The following LRRTM4 variants were observed in gnomAD, a reference collection of about 807,000 sequenced individuals.
LRRTM4 encodes leucine-rich repeat transmembrane neuronal protein 4.
In LRRTM4, 25 loss-of-function variants were observed where a neutral mutation model predicts 47.6. That is an observed-to-expected ratio of 0.53 (90% CI 0.38 to 0.73). LRRTM4 has a LOEUF of 0.73. Ranked by LOEUF, LRRTM4 falls within the 30% of genes least tolerant of loss-of-function variation. The pLI, the probability that LRRTM4 is intolerant of heterozygous loss-of-function variation, is 0.00. For synonymous variants in LRRTM4, 311 were observed against 269.5 expected (o/e 1.15, Z -1.51); for missense variants, 638 against 713.4 (o/e 0.89, Z 1.20).
At chr2:77,223,449 T>A (rs1406157195) in intron 3 of LRRTM4, among the ~76,000 whole-genome samples, 1 of 152,140 alleles carries the variant, frequency 6.6e-6, no homozygotes, top group African/African-American at 2.4e-5. Context: ...TGATTGTATA[T>A]CTAGAAAACC....
chr2:77,373,648 A>G (rs1672729753), intron 3 of LRRTM4, among the ~76,000 whole-genome samples: 1 of 151,820 alleles, frequency 6.6e-6, no homozygotes, highest in African/African-American at 2.4e-5. Flanking sequence ...TGACAAAGGC[A>G]CCATATGCTA....
At chr2:77,462,426 A>C (rs1245309462) in intron 3 of LRRTM4, among the ~76,000 whole-genome samples, 1 of 152,108 alleles carries the variant, frequency 6.6e-6, no homozygotes, top group Non-Finnish European at 1.5e-5. Context: ...GAACAAGCTC[A>C]GTAAAAAATA....
At chr2:77,480,819 TGTGG>T (rs1558763472) in intron 3 of LRRTM4, among the ~76,000 whole-genome samples, 1 of 101,680 alleles carries the variant, frequency 9.8e-6, no homozygotes, top group East Asian at 6.5e-4. Context: ...TGTGTGTGTG[TGTGG>T]AGAGAGAGAG....
At chr2:77,170,371 G>T (rs556099966) in intron 3 of LRRTM4, among the ~76,000 whole-genome samples, 30 of 152,260 alleles carry the variant, frequency 2.0e-4, no homozygotes, top group African/African-American at 7.0e-4. Flanking sequence ...AGAAAATGCA[G>T]ATCTAAATCC....
chr2:77,502,099 T>A (rs1359816607), intron 3 of LRRTM4, among the ~76,000 whole-genome samples: 1 of 151,422 alleles, frequency 6.6e-6, no homozygotes, highest in Non-Finnish European at 1.5e-5. Context: ...TTGGAACCCA[T>A]ATAAAATAAA....
chr2:77,020,490 A>G (rs570993884), intron 3 of LRRTM4, among the ~76,000 whole-genome samples: 2 of 152,290 alleles, frequency 1.3e-5, no homozygotes, highest in South Asian at 4.1e-4. Context: ...TAAGAATCGT[A>G]CATGTGTTGT....
chr2:77,250,860 T>C (rs1001682935), intron 3 of LRRTM4, among the ~76,000 whole-genome samples: 1 of 152,006 alleles, frequency 6.6e-6, no homozygotes, highest in Non-Finnish European at 1.5e-5. Flanking sequence ...TCCCACCACT[T>C]TGGGAGGCTG....
chr2:76,920,405 G>C (rs1262495189), intron 3 of LRRTM4, among the ~76,000 whole-genome samples: 1 of 152,014 alleles, frequency 6.6e-6, no homozygotes, highest in Admixed American at 6.6e-5. Context: ...TAATCTCCAG[G>C]CTTGAATGTT....
At chr2:77,164,289 A>G (rs1377114305) in intron 3 of LRRTM4, among the ~76,000 whole-genome samples, 1 of 152,246 alleles carries the variant, frequency 6.6e-6, no homozygotes, top group African/African-American at 2.4e-5. Context: ...TACCCAATAC[A>G]GGAGCACCCA....
chr2:76,830,522 G>A (rs963368625), intron 3 of LRRTM4, among the ~76,000 whole-genome samples: 24 of 141,434 alleles, frequency 1.7e-4, no homozygotes, highest in Admixed American at 2.8e-4. Context: ...GTGCGTGTGT[G>A]TGTGTGTGTG....
At chr2:77,384,307 G>A (rs986338094) in intron 3 of LRRTM4, among the ~76,000 whole-genome samples, 6 of 151,438 alleles carry the variant, frequency 4.0e-5, no homozygotes, top group Non-Finnish European at 5.9e-5. Context: ...AAAAAATAAG[G>A]TTTCAATTTG....
In LRRTM4 at chr2:77,417,735, G is replaced by A. The variant is rs549207257; in HGVS notation, c.1551+100583C>T. Among the ~76,000 whole-genome samples the A allele has an allele frequency of 9.3e-5, 14 of 150,830 alleles. No individual in the cohort carries two copies. In the South Asian group the frequency reaches 2.3e-3, roughly 25 times the overall value. Reference sequence around the variant, plus strand: ...CAATGAGAACACATGGACACAGGAAGGGGAACATCACACACTGGGGCCTGT... The same window carrying A: ...CAATGAGAACACATGGACACAGGAAAGGGAACATCACACACTGGGGCCTGT... On this transcript the variant is annotated intron_variant, in intron 3 of 3. Transcript: ENST00000409884.
intron 3 of LRRTM4, among the ~76,000 whole-genome samples, chr2:77,054,522 A>T (rs1375916844): frequency 6.6e-6 from 1 of 152,204 alleles, no homozygotes; most frequent in East Asian, 1.9e-4. Context: ...TAAGTAACGG[A>T]AATACTGTGC....
chr2:77,238,758 C>A (rs1675179763), intron 3 of LRRTM4, among the ~76,000 whole-genome samples: 1 of 151,890 alleles, frequency 6.6e-6, no homozygotes, highest in African/African-American at 2.4e-5. Flanking sequence ...GAGGAAACTT[C>A]TCATAAAAGA....
rs532126105 is a variant in LRRTM4 at position 77,506,187 on chromosome 2, T to C, written c.1551+12131A>G. Among the ~76,000 whole-genome samples the C allele has an allele frequency of 2.0e-5, 3 of 151,824 alleles. No individual in the cohort carries two copies. In the South Asian group the frequency reaches 6.2e-4, roughly 31 times the overall value. The stretch of plus-strand genomic sequence containing the variant: ...AAATGACCTGGATATATTAGAATTT[T>C]ACGTTAGTATTAAGTAAAATATCCG... On this transcript the variant is annotated intron_variant, in intron 3 of 3. Transcript: ENST00000409884.
chr2:76,822,823 T>A (rs1254857931), intron 3 of LRRTM4, among the ~76,000 whole-genome samples: 1 of 151,480 alleles, frequency 6.6e-6, no homozygotes, highest in African/African-American at 2.4e-5. Flanking sequence ...TATTATTACA[T>A]ACCTGCCCAT....
chr2:77,290,820 A>C (rs923094676), intron 3 of LRRTM4, among the ~76,000 whole-genome samples: 1 of 152,014 alleles, frequency 6.6e-6, no homozygotes, highest in Non-Finnish European at 1.5e-5. Flanking sequence ...ATTTTTTAAA[A>C]ATTTTCCAGC....
chr2:77,321,587 G>GAA (rs757031033), intron 3 of LRRTM4, among the ~76,000 whole-genome samples: 4,363 of 68,318 alleles, frequency 0.064, 99 homozygotes, highest in African/African-American at 0.26. Flanking sequence ...GAAAAGAAAA[G>GAA]AAAAGAAAAA....
intron 3 of LRRTM4, among the ~76,000 whole-genome samples, chr2:77,476,916 A>G (rs1038204532): frequency 6.6e-6 from 1 of 151,968 alleles, no homozygotes; most frequent in Admixed American, 6.6e-5. Context: ...GCTACTTCTA[A>G]GAATAGCAAA....
Sources: allele counts gnomAD v4.1 joint callset (sites outside exome capture counted in the v4.1 genomes callset), GRCh38; gene constraint gnomAD v4.1.1; transcripts MANE v1.5; gene names NCBI Gene and HGNC (gene_info 2026-07-23, HGNC 2026-07-21).